Variants in PKP4 observed in about 807,000 individuals in gnomAD.
PKP4 encodes plakophilin-4.
In PKP4, 90 loss-of-function variants were observed where a neutral mutation model predicts 145.1. The ratio of observed to expected loss-of-function variants is 0.62; its 90% CI spans 0.52 to 0.74. The LOEUF is 0.74. Among genes scored for constraint, PKP4 ranks in the 30% least tolerant of loss-of-function variants. PKP4 has a pLI of 0.00. For synonymous variants in PKP4, 563 were observed against 577.2 expected (o/e 0.98, Z 0.35); for missense variants, 1,340 against 1,482.7 (o/e 0.90, Z 1.58).
At chr2:158,529,975 C>A (rs2043369349) in intron 1 of PKP4, among the ~76,000 whole-genome samples, 1 of 152,262 alleles carries the variant, frequency 6.6e-6, no homozygotes, top group Middle Eastern at 3.4e-3. Flanking sequence ...ATGTTAGAAA[C>A]CTCTATAGGT....
intron 1 of PKP4, among the ~76,000 whole-genome samples, chr2:158,477,444 A>T (rs932104383): frequency 1.3e-5 from 2 of 152,278 alleles, no homozygotes; most frequent in Admixed American, 1.3e-4. Flanking sequence ...GACAAATAAG[A>T]AATTAGAAGG....
chr2:158,581,688 C>T (rs1049481594), intron 3 of PKP4, among the ~76,000 whole-genome samples: 1 of 152,150 alleles, frequency 6.6e-6, no homozygotes, highest in Non-Finnish European at 1.5e-5. Context: ...ATTTTTAACC[C>T]ATGCCAGAAG....
intron 2 of PKP4, among the ~76,000 whole-genome samples, chr2:158,567,480 G>A (rs2047087266): frequency 6.6e-6 from 1 of 152,198 alleles, no homozygotes; most frequent in South Asian, 2.1e-4. Flanking sequence ...AGAGCGTGGT[G>A]CGCAGTGGTT....
chr2:158,617,438 G>T (rs2051752363), intron 4 of PKP4, among the ~76,000 whole-genome samples: 2 of 151,824 alleles, frequency 1.3e-5, no homozygotes, highest in Non-Finnish European at 2.9e-5. Context: ...TATGCTAATT[G>T]TGCTAAATTT....
At chr2:158,463,772 T>A (rs184956418) in intron 1 of PKP4, among the ~76,000 whole-genome samples, 1 of 152,206 alleles carries the variant, frequency 6.6e-6, no homozygotes, top group South Asian at 2.1e-4. Context: ...CAATTTACCC[T>A]CTGGGATAAG....
At chr2:158,579,160 ACTAAAG>A (rs2048114624) in intron 3 of PKP4, among the ~76,000 whole-genome samples, 1 of 152,178 alleles carries the variant, frequency 6.6e-6, no homozygotes, top group Non-Finnish European at 1.5e-5. Flanking sequence ...AAATGGCACC[ACTAAAG>A]ATGAGCTCAC....
At chr2:158,501,280 A>G (rs930192128) in intron 1 of PKP4, among the ~76,000 whole-genome samples, 1 of 152,186 alleles carries the variant, frequency 6.6e-6, no homozygotes. Context: ...ACAAAACAAT[A>G]TACCCCAACA....
At chr2:158,657,993 C>T in intron 11 of PKP4, 138 bp from the exon 12 acceptor site, 1 of 619,022 alleles carries the variant, frequency 1.6e-6, no homozygotes, top group Middle Eastern at 4.3e-4. Flanking sequence ...GAGGTCTATT[C>T]CCACCCTGGT....
intron 11 of PKP4, among the ~76,000 whole-genome samples, chr2:158,654,747 A>G (rs2055749293): frequency 6.6e-6 from 1 of 152,210 alleles, no homozygotes; most frequent in African/African-American, 2.4e-5. Flanking sequence ...TCAGTTTTAC[A>G]AAAAGGCACA....
intron 1 of PKP4, chr2:158,457,878 C>T (rs1322557273): frequency 1.3e-5 from 2 of 153,358 alleles, no homozygotes; most frequent in Non-Finnish European, 2.9e-5. Flanking sequence ...CGCCGAGCCT[C>T]GCCGCTGCCC....
chr2:158,609,103 C>CA (rs1168111775), intron 4 of PKP4, among the ~76,000 whole-genome samples: 7 of 152,124 alleles, frequency 4.6e-5, no homozygotes, highest in Non-Finnish European at 8.8e-5. Context: ...AGGCATGAGC[C>CA]ACTGCACTGG....
rs1413700484 is a variant in PKP4 at position 158,658,228 on chromosome 2, T to A, written c.2007T>A (p.Ser669=). 1 of 1,600,096 alleles carries A rather than the reference T, an allele frequency of 6.2e-7. No individual in the cohort carries two copies. The highest frequency in any genetic ancestry group is 2.2e-5 in the East Asian group (1 of 44,772). The change falls in exon 12 of 22, where the codon TCT becomes TCA. Residue 669 remains serine, a synonymous_variant. Transcript: ENST00000389759. ...TLTNTVIVPH[S]GWNNSSFDDD... ...CAAACACTGTGATTGTTCCACATTC[T>A]GGATGGAATAACTCTTCTTTTGATG... is the stretch of plus-strand genomic sequence containing the variant.
chr2:158,458,978 T>C (rs542719653), intron 1 of PKP4, among the ~76,000 whole-genome samples: 2 of 152,186 alleles, frequency 1.3e-5, no homozygotes, highest in South Asian at 4.2e-4. Flanking sequence ...TAAAGAACGG[T>C]AATTATTTAC....
At chr2:158,652,195 A>G (rs1416496589) in intron 11 of PKP4, among the ~76,000 whole-genome samples, 1 of 152,226 alleles carries the variant, frequency 6.6e-6, no homozygotes, top group Non-Finnish European at 1.5e-5. Flanking sequence ...ACTTCTTCGT[A>G]CCAAGTCTTC....
At chr2:158,675,189 G>A (rs2057897243) in intron 19 of PKP4, among the ~76,000 whole-genome samples, 1 of 152,162 alleles carries the variant, frequency 6.6e-6, no homozygotes, top group Non-Finnish European at 1.5e-5. Flanking sequence ...ACATAGACAA[G>A]CAAAGGATAA....
At chr2:158,514,617 T>A (rs931949053) in intron 1 of PKP4, among the ~76,000 whole-genome samples, 16 of 152,336 alleles carry the variant, frequency 1.1e-4, no homozygotes, top group East Asian at 7.7e-4. Context: ...AGAGGTTTTT[T>A]TTCTTTTACT....
intron 11 of PKP4, 74 bp downstream of exon 11, chr2:158,642,773 C>G: frequency 2.7e-6 from 3 of 1,100,048 alleles, no homozygotes; most frequent in South Asian, 3.3e-5. Flanking sequence ...TATAGTGGCA[C>G]TATGGAAGAG....
intron 2 of PKP4, among the ~76,000 whole-genome samples, chr2:158,575,613 C>T (rs1052211438): frequency 1.3e-5 from 2 of 152,134 alleles, no homozygotes; most frequent in Non-Finnish European, 2.9e-5. Context: ...AGTACTCCAG[C>T]CCTCAATCCC....
At position 158,625,352 on chromosome 2, in the gene PKP4, G is replaced by T. The variant is rs147567711; in HGVS notation, c.1078G>T (p.Asp360Tyr). 9.7e-4 allele frequency: 1,573 copies of T among 1,614,170 alleles called. 11 individuals are homozygous for T. The highest frequency in any genetic ancestry group is 8.6e-3 in the South Asian group (779 of 91,086). The change falls in exon 7 of 22, where the codon GAC becomes TAC. Residue 360 changes from aspartate to tyrosine, a missense_variant. Transcript: ENST00000389759. The part of the protein sequence containing the change: ...LGPSLQRTVH[D>Y]MEQFGQQQYD... ...ACCTTCACTGCAAAGGACTGTTCAT[G>T]ACATGGAGCAATTCGGACAGCAGCA...
Sources: gnomAD v4.1 joint callset for allele counts (sites outside exome capture counted in the v4.1 genomes callset) on GRCh38, gnomAD v4.1.1 for gene constraint, MANE v1.5 for transcripts, NCBI Gene and HGNC (gene_info 2026-07-23, HGNC 2026-07-21) for gene names.